The following SLC35D4 variants were observed in gnomAD, a reference collection of about 807,000 sequenced individuals.
SLC35D4 encodes UDP-N-acetylglucosamine transporter SLC35D4.
the SLC35D4 span, among the ~76,000 whole-genome samples, chr18:23,330,088 C>T: frequency 4.6e-5 from 7 of 152,040 alleles, no homozygotes; most frequent in Non-Finnish European, 1.0e-4. Flanking sequence ...AGGAGAAATA[C>T]CTAATGTAAA....
the SLC35D4 span, among the ~76,000 whole-genome samples, chr18:23,384,709 C>T: frequency 6.6e-6 from 1 of 152,230 alleles, no homozygotes; most frequent in East Asian, 1.9e-4. Flanking sequence ...AGGAATGCTT[C>T]CCCAGCAGGC....
the SLC35D4 span, among the ~76,000 whole-genome samples, chr18:23,410,776 G>A: frequency 1.3e-5 from 2 of 152,092 alleles, no homozygotes; most frequent in South Asian, 2.1e-4. Flanking sequence ...CAGCCTGGGC[G>A]ACACAAGTGA....
the SLC35D4 span, among the ~76,000 whole-genome samples, chr18:23,398,901 G>A: frequency 1.7e-4 from 26 of 152,224 alleles, no homozygotes; most frequent in African/African-American, 6.0e-4. Context: ...GACTGGAGGA[G>A]GTATTAACAT....
At chr18:23,288,739 C>T in the SLC35D4 span, among the ~76,000 whole-genome samples, 2 of 152,304 alleles carry the variant, frequency 1.3e-5, no homozygotes, top group East Asian at 1.9e-4. Context: ...GGCCTTCCCA[C>T]CTTTATACAG....
At chr18:23,406,869 A>T in the SLC35D4 span, among the ~76,000 whole-genome samples, 1 of 152,198 alleles carries the variant, frequency 6.6e-6, no homozygotes, top group Non-Finnish European at 1.5e-5. Context: ...GCAGTGTGCC[A>T]TCACGGCTCA....
At chr18:23,402,556 G>A in the SLC35D4 span, among the ~76,000 whole-genome samples, 1 of 152,170 alleles carries the variant, frequency 6.6e-6, no homozygotes, top group Admixed American at 6.6e-5. Flanking sequence ...TATAATCCCA[G>A]CACTTTGGGA....
chr18:23,294,255 A>T, the SLC35D4 span, among the ~76,000 whole-genome samples: 1 of 152,200 alleles, frequency 6.6e-6, no homozygotes, highest in Non-Finnish European at 1.5e-5. Context: ...TAAGGTCATC[A>T]GGTACCAAAC....
the SLC35D4 span, among the ~76,000 whole-genome samples, chr18:23,286,817 C>G: frequency 7.2e-5 from 11 of 152,074 alleles, no homozygotes; most frequent in African/African-American, 2.7e-4. Context: ...CCTTATTAGG[C>G]CGAGACACTT....
chr18:23,249,521 CAG>C, the SLC35D4 span, among the ~76,000 whole-genome samples: 1 of 152,232 alleles, frequency 6.6e-6, no homozygotes, highest in African/African-American at 2.4e-5. Flanking sequence ...GACTGTGACT[CAG>C]TGGGGCTGGA....
At chr18:23,248,180 G>A in the SLC35D4 span, among the ~76,000 whole-genome samples, 1 of 152,260 alleles carries the variant, frequency 6.6e-6, no homozygotes, top group African/African-American at 2.4e-5. Context: ...AAATGGGTCA[G>A]GGAGTGTGGC....
the SLC35D4 span, among the ~76,000 whole-genome samples, chr18:23,325,864 T>C: frequency 6.6e-6 from 1 of 152,134 alleles, no homozygotes; most frequent in African/African-American, 2.4e-5. Flanking sequence ...CAGGAGCCCA[T>C]CAAGTGTCCT....
At chr18:23,262,418 G>A in the SLC35D4 span, among the ~76,000 whole-genome samples, 1 of 152,218 alleles carries the variant, frequency 6.6e-6, no homozygotes, top group Non-Finnish European at 1.5e-5. Context: ...CAACAGCACT[G>A]GAGCACAATT....
At chr18:23,340,333 TAAA>T in the SLC35D4 span, among the ~76,000 whole-genome samples, 1 of 145,780 alleles carries the variant, frequency 6.9e-6, no homozygotes, top group Non-Finnish European at 1.5e-5. Context: ...ATCCTGTCTC[TAAA>T]AAAAAAACAA....
the SLC35D4 span, among the ~76,000 whole-genome samples, chr18:23,355,037 C>A: frequency 1.3e-5 from 2 of 152,068 alleles, no homozygotes; most frequent in Admixed American, 1.3e-4. Context: ...TCCTGAGCCC[C>A]CCCAGAACCT....
At chr18:23,349,055 C>A in the SLC35D4 span, among the ~76,000 whole-genome samples, 3 of 152,160 alleles carry the variant, frequency 2.0e-5, no homozygotes, top group African/African-American at 7.2e-5. Context: ...CACTGTTGTT[C>A]CCCCATATAT....
chr18:23,284,800 C>G, the SLC35D4 span, among the ~76,000 whole-genome samples: 907 of 152,352 alleles, frequency 6.0e-3, 8 homozygotes, highest in African/African-American at 0.021. Context: ...CCTTCCCTCT[C>G]ATTCCTGGAA....
At chr18:23,359,755 C>T in the SLC35D4 span, among the ~76,000 whole-genome samples, 1 of 152,170 alleles carries the variant, frequency 6.6e-6, no homozygotes, top group Non-Finnish European at 1.5e-5. Flanking sequence ...GGGTCAGATT[C>T]CTGAGTCTCC....
At chr18:23,273,684 G>A in the SLC35D4 span, among the ~76,000 whole-genome samples, 1 of 152,080 alleles carries the variant, frequency 6.6e-6, no homozygotes, top group Non-Finnish European at 1.5e-5. Context: ...ATATGGAAGC[G>A]CTAATGGATT....
the SLC35D4 span, among the ~76,000 whole-genome samples, chr18:23,308,876 C>CTCTCTCTCTCTCTCTCTG: frequency 6.4e-5 from 9 of 140,104 alleles, no homozygotes; most frequent in South Asian, 2.4e-4. Context: ...CTCTCTCTCT[C>CTCTCTCTCTCTCTCTCTG]TGTGTGTGTG....
Sources: gnomAD v4.1 joint callset for allele counts (sites outside exome capture counted in the v4.1 genomes callset) on GRCh38, gnomAD v4.1.1 for gene constraint, MANE v1.5 for transcripts, NCBI Gene and HGNC (gene_info 2026-07-23, HGNC 2026-07-21) for gene names.